AFF4: variants seen among roughly 807,000 people sequenced by gnomAD.
AFF4 encodes the protein AF4/FMR2 family member 4.
AFF4 carries 13 observed loss-of-function variants against 124.8 expected under a neutral mutation model. The observed-to-expected ratio is 0.10, with a 90% CI of 0.07 to 0.17. AFF4 has a LOEUF of 0.17. Ranked by LOEUF, AFF4 falls within the 10% of genes least tolerant of loss-of-function variation. AFF4 has a pLI of 1.00. For missense variants in AFF4, 1,092 were observed against 1,403.8 expected, an observed-to-expected ratio of 0.78 and a Z score of 3.55; for synonymous variants, 477 against 496.1, an observed-to-expected ratio of 0.96 and a Z score of 0.51.
chr5:132,939,930 G>T (rs1008130498), intron 1 of AFF4, among the ~76,000 whole-genome samples: 1 of 152,144 alleles, frequency 6.6e-6, no homozygotes, highest in African/African-American at 2.4e-5. Context: ...AGGAGCGGTG[G>T]CTTACAACTG....
intron 6 of AFF4, 36 bp downstream of exon 6, chr5:132,904,332 C>T (rs760215056): frequency 3.8e-6 from 6 of 1,589,722 alleles, no homozygotes; most frequent in Non-Finnish European, 5.2e-6. Context: ...CAATAAATAG[C>T]TTAATTTGAA....
intron 1 of AFF4, among the ~76,000 whole-genome samples, chr5:132,938,978 T>TAA (rs1334463603): frequency 8.3e-6 from 1 of 121,158 alleles, no homozygotes; most frequent in African/African-American, 3.2e-5. Context: ...ATTTAATGTT[T>TAA]AGAAAAAAAA....
intron 1 of AFF4, among the ~76,000 whole-genome samples, chr5:132,958,489 AG>A (rs1406723301): frequency 2.0e-5 from 3 of 148,162 alleles, no homozygotes; most frequent in African/African-American, 4.9e-5. Flanking sequence ...AAAAAAAAAA[AG>A]GAGCTACAAA....
intron 6 of AFF4, among the ~76,000 whole-genome samples, chr5:132,903,088 T>C (rs928619261): frequency 6.6e-6 from 1 of 151,144 alleles, no homozygotes; most frequent in Admixed American, 6.6e-5. Flanking sequence ...GAGAGAAGAG[T>C]AGAAGGATGA....
chr5:132,957,744 TA>T (rs954393841), intron 1 of AFF4, among the ~76,000 whole-genome samples: 23 of 151,214 alleles, frequency 1.5e-4, no homozygotes, highest in African/African-American at 3.2e-4. Context: ...ATAATAGAAA[TA>T]AAAAAAATAA....
intron 11 of AFF4, among the ~76,000 whole-genome samples, chr5:132,895,716 T>C (rs1227516848): frequency 6.6e-6 from 1 of 152,234 alleles, no homozygotes; most frequent in Admixed American, 6.5e-5. Flanking sequence ...TATCCTCCAA[T>C]CACAGACATG....
rs1762124851 is a variant in AFF4 at position 132,963,337 on chromosome 5, C to T, written c.-83G>A. The T allele has an allele frequency of 2.5e-6, 1 of 397,034 alleles. No homozygotes were observed. Among genetic ancestry groups the T allele is most frequent in the Admixed American group, 4.4e-5 (1 of 22,674 alleles). 24.6% of individuals were successfully genotyped at this position (397,034 alleles called of 1,614,324 possible). ...GCGCCGGGCCTGCACCTTCACCGGACGCGCATTCGAGCCCGCCCAGGGGGC... is the reference window on the plus strand; with the variant it reads ...GCGCCGGGCCTGCACCTTCACCGGATGCGCATTCGAGCCCGCCCAGGGGGC... On this transcript the variant is annotated 5_prime_UTR_variant, in exon 1 of 21. Coordinates refer to ENST00000265343, the MANE Select transcript of AFF4 (RefSeq NM_014423.4).
At chr5:132,908,761 TATATATATATA>T (rs1235680274) in intron 5 of AFF4, among the ~76,000 whole-genome samples, 1 of 105,878 alleles carries the variant, frequency 9.4e-6, no homozygotes, top group East Asian at 3.6e-4. Context: ...TATATACATA[TATATATATATA>T]TATATTTTTT....
chr5:132,910,431 T>C (rs1225248869), intron 5 of AFF4, among the ~76,000 whole-genome samples: 2 of 152,182 alleles, frequency 1.3e-5, no homozygotes, highest in Non-Finnish European at 2.9e-5. Context: ...CAAACTCTAA[T>C]TGGTGTCACC....
At chr5:132,941,366 C>T (rs1761565079) in intron 1 of AFF4, among the ~76,000 whole-genome samples, 1 of 152,030 alleles carries the variant, frequency 6.6e-6, no homozygotes, top group South Asian at 2.1e-4. Flanking sequence ...CAGTGTCTCA[C>T]TCTATCTCCC....
intron 7 of AFF4, 80 bp downstream of exon 7, chr5:132,902,362 T>C: frequency 1.6e-6 from 2 of 1,214,266 alleles, no homozygotes; most frequent in Non-Finnish European, 2.4e-6. Context: ...TATTTCTAAA[T>C]ACTGTTCAAA....
At chr5:132,899,749 A>T in intron 7 of AFF4, 108 bp from the exon 8 acceptor site, 1 of 921,862 alleles carries the variant, frequency 1.1e-6, no homozygotes, top group Non-Finnish European at 1.6e-6. Flanking sequence ...GGTAGCCAAA[A>T]ATTTAACCAA....
intron 14 of AFF4, among the ~76,000 whole-genome samples, chr5:132,888,734 G>A (rs1760180506): frequency 6.6e-6 from 1 of 150,962 alleles, no homozygotes; most frequent in South Asian, 2.1e-4. Flanking sequence ...GTCTCGCTCT[G>A]TTGCCCAGGC....
chr5:132,899,548 C>T lies in AFF4; in HGVS notation c.1188+39G>A, dbSNP rs202242375. The T allele has an allele frequency of 3.5e-5, 53 of 1,519,640 alleles. No homozygotes were observed. The African/African-American group carries it at 7.0e-4, about 20-fold the overall frequency. 94.1% of individuals were successfully genotyped at this position (1,519,640 alleles called of 1,614,324 possible). A position where few individuals can be genotyped will look rare whatever the true frequency, so the allele number is the denominator to read the frequency against. ...ATTTTTATAAAATACAATGAAAATA[C>T]TATATGAGACTGGCAAAATAATACA... On this transcript the variant is annotated intron_variant, in intron 8 of 20. Transcript: ENST00000265343.
At chr5:132,916,765 A>G (rs766742009) in intron 5 of AFF4, among the ~76,000 whole-genome samples, 21 of 152,290 alleles carry the variant, frequency 1.4e-4, no homozygotes, top group Non-Finnish European at 2.5e-4. Flanking sequence ...GAAGGGAACA[A>G]TACAGACCAA....
chr5:132,959,436 T>A (rs563628085), intron 1 of AFF4, among the ~76,000 whole-genome samples: 19 of 152,212 alleles, frequency 1.2e-4, no homozygotes, highest in Middle Eastern at 6.8e-3. Flanking sequence ...CAGATTTTTT[T>A]AAATAAAGAA....
intron 5 of AFF4, among the ~76,000 whole-genome samples, chr5:132,905,835 T>C (rs1485862651): frequency 6.6e-6 from 1 of 152,100 alleles, no homozygotes; most frequent in Non-Finnish European, 1.5e-5. Context: ...ATCAAAAAAG[T>C]GAAAAGACAA....
chr5:132,954,693 G>A lies in AFF4; in HGVS notation c.-5+8566C>T, dbSNP rs1051661375. On this transcript the variant is annotated intron_variant, in intron 1 of 20. Transcript: ENST00000265343. ...CTCCCAAGTAGCTGGGACTACAGGC[G>A]CCCGCCACTACGCCTGGCTAATTTT... is the stretch of plus-strand genomic sequence containing the variant. Among the ~76,000 whole-genome samples, 5 of 150,824 alleles carry A rather than the reference G, an allele frequency of 3.3e-5. 1 individual carries two copies. The highest frequency in any genetic ancestry group is 6.6e-5 in the Admixed American group (1 of 15,148).
rs140856867 is a variant in AFF4 at position 132,922,491 on chromosome 5, C to G, written c.1050+4630G>C. On this transcript the variant is annotated intron_variant, in intron 5 of 20. Transcript: ENST00000265343. ...TCACATCAGCTTTATTTTTAATAAC[C>G]AAAAATGAGGTTGGGCTCAGTGGTT... 1.6e-4 allele frequency among the ~76,000 whole-genome samples: 25 copies of G among 152,100 alleles called. No individual in the cohort carries two copies. The East Asian group carries it at 4.8e-3, about 29-fold the overall frequency.
Sources: gnomAD v4.1 joint callset for allele counts (sites outside exome capture counted in the v4.1 genomes callset) on GRCh38, gnomAD v4.1.1 for gene constraint, MANE v1.5 for transcripts, NCBI Gene and HGNC (gene_info 2026-07-23, HGNC 2026-07-21) for gene names.